The following FRAS1 variants were observed in gnomAD, a reference collection of about 807,000 sequenced individuals.
The protein encoded by FRAS1 is extracellular matrix organizing protein FRAS1.
A neutral mutation model predicts 435.2 loss-of-function variants in FRAS1; 290 were observed. The observed-to-expected ratio is 0.67, with a 90% CI of 0.61 to 0.73. FRAS1 has a LOEUF of 0.73. Among genes scored for constraint, FRAS1 ranks in the 30% least tolerant of loss-of-function variants. The pLI is 0.00. For missense variants in FRAS1, 4,860 were observed against 5,001.5 expected (o/e 0.97, Z 0.85); for synonymous variants, 1,800 against 1,851.0 (o/e 0.97, Z 0.71).
chr4:78,231,050 G>A (rs1199278426), intron 2 of FRAS1, among the ~76,000 whole-genome samples: 1 of 152,128 alleles, frequency 6.6e-6, no homozygotes, highest in Non-Finnish European at 1.5e-5. Context: ...CGCCTCCCGG[G>A]TTCAAACGAT....
intron 65 of FRAS1, 99 bp from the exon 66 acceptor site, chr4:78,515,700 G>T (rs1009913399): frequency 2.7e-5 from 29 of 1,073,478 alleles, no homozygotes; most frequent in Non-Finnish European, 8.4e-6. Context: ...TCAGGTGATT[G>T]AAAGTGCTTT....
chr4:78,381,209 A>G (rs1206482968), intron 27 of FRAS1, among the ~76,000 whole-genome samples: 3 of 152,224 alleles, frequency 2.0e-5, no homozygotes, highest in African/African-American at 2.4e-5. Context: ...TTCATAGAGA[A>G]GTATTGCTAC....
intron 2 of FRAS1, among the ~76,000 whole-genome samples, chr4:78,174,915 A>G (rs914100160): frequency 9.8e-5 from 15 of 152,384 alleles, no homozygotes; most frequent in Middle Eastern, 3.4e-3. Context: ...TTCTTCTAGC[A>G]GCATCAGAAT....
intron 29 of FRAS1, among the ~76,000 whole-genome samples, chr4:78,393,110 A>T (rs12511790): frequency 0.12 from 18,497 of 151,708 alleles, 1,318 homozygotes; most frequent in East Asian, 0.32. Flanking sequence ...GAGGATAAGT[A>T]TATAGGCATG....
At chr4:78,269,072 C>A (rs982234794) in intron 9 of FRAS1, among the ~76,000 whole-genome samples, 2 of 152,172 alleles carry the variant, frequency 1.3e-5, no homozygotes, top group African/African-American at 4.8e-5. Flanking sequence ...AAATTTTAAC[C>A]AACATTGACT....
At chr4:78,365,762 A>G (rs1731244615) in intron 22 of FRAS1, among the ~76,000 whole-genome samples, 1 of 151,004 alleles carries the variant, frequency 6.6e-6, no homozygotes, top group Admixed American at 6.6e-5. Flanking sequence ...AAAAAAAAAA[A>G]ACAGCCTGAC....
intron 45 of FRAS1, 180 bp downstream of exon 45, chr4:78,450,519 A>G (rs372580538): frequency 8.5e-6 from 5 of 587,234 alleles, no homozygotes; most frequent in Admixed American, 3.2e-5. Context: ...AAAAAGCCCT[A>G]TCTTTCTTGG....
In FRAS1 at chr4:78,125,947, C is replaced by A. The variant is rs190776343; in HGVS notation, c.108+59931C>A. Among the ~76,000 whole-genome samples, 15 of 152,306 alleles carry A rather than the reference C, an allele frequency of 9.8e-5. No individual in the cohort carries two copies. In the East Asian group the frequency reaches 2.9e-3, roughly 29 times the overall value. On this transcript the variant is annotated intron_variant, in intron 2 of 73. Transcript: ENST00000512123. Reference sequence around the variant, plus strand: ...GCAGGGACGTTTAAGTCTGGAGAAGCTGTCTGCTGCCTTTTGTTCAGATAT... The same window carrying A: ...GCAGGGACGTTTAAGTCTGGAGAAGATGTCTGCTGCCTTTTGTTCAGATAT...
At chr4:78,226,684 TCAATATTCATAG>T (rs1390711756) in intron 2 of FRAS1, among the ~76,000 whole-genome samples, 1 of 152,150 alleles carries the variant, frequency 6.6e-6, no homozygotes, top group East Asian at 1.9e-4. Flanking sequence ...ATTATTCTGA[TCAATATTCATAG>T]CAATTCTTGA....
At position 78,115,853 on chromosome 4, in the gene FRAS1, A is replaced by AT. The variant is rs1174302573; in HGVS notation, c.108+49843dup. Among the ~76,000 whole-genome samples, 53 of 149,820 alleles carry AT rather than the reference A, an allele frequency of 3.5e-4. 2 individuals are homozygous for AT. Among genetic ancestry groups the AT allele is most frequent in the Non-Finnish European group, 8.9e-5 (6 of 67,224 alleles). ...CTTCAGTTCTTCTCTGATCTTAGTT[A>AT]TTTTTTGCCTTCTGCTAGCTTTTGA... On this transcript the variant is annotated intron_variant, in intron 2 of 73. Coordinates refer to ENST00000512123, the MANE Select transcript of FRAS1 (RefSeq NM_025074.7).
At chr4:78,434,484 A>G (rs1279168918) in intron 38 of FRAS1, among the ~76,000 whole-genome samples, 1 of 152,166 alleles carries the variant, frequency 6.6e-6, no homozygotes, top group Non-Finnish European at 1.5e-5. Context: ...ATTAATCTTA[A>G]AACGGTAATA....
intron 61 of FRAS1, among the ~76,000 whole-genome samples, chr4:78,506,367 T>C (rs1014497398): frequency 2.0e-5 from 3 of 152,218 alleles, no homozygotes; most frequent in African/African-American, 7.2e-5. Flanking sequence ...GTGGAGTCTA[T>C]AGAGGCAGTA....
At chr4:78,163,396 TA>T (rs1578161207) in intron 2 of FRAS1, among the ~76,000 whole-genome samples, 1 of 152,192 alleles carries the variant, frequency 6.6e-6, no homozygotes, top group African/African-American at 2.4e-5. Context: ...CTGTTTTAAT[TA>T]AATGTTGGGG....
chr4:78,407,726 C>G lies in FRAS1; in HGVS notation c.4193C>G (p.Pro1398Arg). Residue 1398 changes from proline to arginine, a missense_variant, in exon 31 of 74, where the codon CCT becomes CGT. Coordinates refer to ENST00000512123, the MANE Select transcript of FRAS1 (RefSeq NM_025074.7). Reference protein sequence around the residue: ...DSPADEGQHLPDGRTATPTST... With the variant: ...DSPADEGQHLRDGRTATPTST... ...CCTGCAGATGAAGGGCAGCACCTGC[C>G]TGATGGGAGGACAGCTACCCCCACC... 4 of 1,613,848 alleles carry G rather than the reference C, an allele frequency of 2.5e-6. No homozygotes were observed. The highest frequency in any genetic ancestry group is 3.4e-6 in the Non-Finnish European group (4 of 1,179,812).
rs918779855 is a variant in FRAS1, at chr4:78,194,143, T to G, written c.109-43367T>G. Reference sequence around the variant, plus strand: ...GTAGAGTTTCTGCCGAGAGATCAGCTGTTAGTCTGATGGGCTTCCCTTTGT... The same window carrying G: ...GTAGAGTTTCTGCCGAGAGATCAGCGGTTAGTCTGATGGGCTTCCCTTTGT... On this transcript the variant is annotated intron_variant, in intron 2 of 73. Coordinates refer to ENST00000512123, the MANE Select transcript of FRAS1 (RefSeq NM_025074.7). Among the ~76,000 whole-genome samples the G allele has an allele frequency of 7.2e-5, 11 of 152,354 alleles. No individual in the cohort carries two copies. In the South Asian group the frequency reaches 2.1e-3, roughly 29 times the overall value.
chr4:78,522,346 T>A (rs1292519159), intron 68 of FRAS1, among the ~76,000 whole-genome samples: 3 of 152,208 alleles, frequency 2.0e-5, no homozygotes, highest in African/African-American at 7.2e-5. Context: ...GTGTTCATTG[T>A]CACATAAAGA....
At chr4:78,112,833 T>C (rs1411671208) in intron 2 of FRAS1, among the ~76,000 whole-genome samples, 1 of 151,878 alleles carries the variant, frequency 6.6e-6, no homozygotes, top group Non-Finnish European at 1.5e-5. Context: ...TATTTATTCA[T>C]TTTTTTATTA....
intron 42 of FRAS1, chr4:78,446,337 T>G (rs1718828814): frequency 9.6e-7 from 1 of 1,037,394 alleles, no homozygotes; most frequent in African/African-American, 1.7e-5. Flanking sequence ...TATAGTGTCC[T>G]TCTACAGGTA....
In FRAS1 at chr4:78,430,322, C is replaced by T. The variant is rs770386832; in HGVS notation, c.4874C>T (p.Thr1625Ile). The part of the protein sequence containing the change: ...GLQVVVRDAE[T>I]APKELFFELR... ...CAGGTGGTAGTAAGAGATGCTGAGA[C>T]AGCGCCCAAAGAACTCTTCTTTGAG... The change falls in exon 37 of 74, where the codon ACA becomes ATA. Residue 1625 changes from threonine to isoleucine, a missense_variant. Coordinates refer to ENST00000512123, the MANE Select transcript of FRAS1 (RefSeq NM_025074.7). 1.4e-5 allele frequency: 22 copies of T among 1,613,826 alleles called. No homozygotes were observed. Among genetic ancestry groups the T allele is most frequent in the Non-Finnish European group, 1.7e-5 (20 of 1,179,876 alleles).
Sources: allele counts gnomAD v4.1 joint callset (sites outside exome capture counted in the v4.1 genomes callset), GRCh38; gene constraint gnomAD v4.1.1; transcripts MANE v1.5; gene names NCBI Gene and HGNC (gene_info 2026-07-23, HGNC 2026-07-21).